The following SCHIP1 variants were observed in gnomAD, a reference collection of about 807,000 sequenced individuals.
SCHIP1 encodes the protein schwannomin-interacting protein 1.
A neutral mutation model predicts 29.7 loss-of-function variants in SCHIP1; 8 were observed. The ratio of observed to expected loss-of-function variants is 0.27; its 90% CI spans 0.16 to 0.49. The LOEUF (loss-of-function observed/expected upper bound fraction) is 0.49, where lower values mean the gene tolerates loss of function less well. Among genes scored for constraint, SCHIP1 ranks in the 20% least tolerant of loss-of-function variants. The probability of loss-of-function intolerance (pLI) is 0.99; values close to 1 mark genes in which losing one functional copy is unlikely to be tolerated. For missense variants in SCHIP1, 193 were observed against 294.6 expected (o/e 0.66, Z 2.52); for synonymous variants, 76 against 94.9 (o/e 0.80, Z 1.16).
the SCHIP1 span, among the ~76,000 whole-genome samples, chr3:159,804,578 A>G: frequency 6.6e-6 from 1 of 152,164 alleles, no homozygotes; most frequent in Non-Finnish European, 1.5e-5. Flanking sequence ...GGGTAGGGTG[A>G]GCTGGCATAA....
the SCHIP1 span, among the ~76,000 whole-genome samples, chr3:159,831,504 A>G: frequency 6.6e-6 from 1 of 152,242 alleles, no homozygotes; most frequent in Non-Finnish European, 1.5e-5. Context: ...AGTTTAATTT[A>G]TAAATTAGGT....
At chr3:159,536,485 T>G in the SCHIP1 span, among the ~76,000 whole-genome samples, 1 of 152,282 alleles carries the variant, frequency 6.6e-6, no homozygotes, top group East Asian at 1.9e-4. Flanking sequence ...TCTTACCAAC[T>G]TCTAAATCAA....
chr3:159,713,271 AG>A, the SCHIP1 span, among the ~76,000 whole-genome samples: 7 of 149,876 alleles, frequency 4.7e-5, no homozygotes, highest in African/African-American at 1.7e-4. Flanking sequence ...AAAGAAAGAA[AG>A]AAAGAAAGAA....
At chr3:159,888,463 T>A in intron 4 of SCHIP1, 1 of 211,964 alleles carries the variant, frequency 4.7e-6, no homozygotes, top group Non-Finnish European at 9.5e-6. Context: ...AGCACAGTGC[T>A]TGTAGCATGG....
At chr3:159,663,855 T>G in the SCHIP1 span, among the ~76,000 whole-genome samples, 1 of 152,158 alleles carries the variant, frequency 6.6e-6, no homozygotes. Context: ...AGTTCCTCGC[T>G]CACAAAAAGC....
chr3:159,675,612 G>A, the SCHIP1 span, among the ~76,000 whole-genome samples: 8 of 152,208 alleles, frequency 5.3e-5, no homozygotes, highest in Non-Finnish European at 2.9e-5. Context: ...AGAGAATTAT[G>A]TGTTTAAGAA....
At chr3:159,663,351 T>C in the SCHIP1 span, among the ~76,000 whole-genome samples, 2 of 152,162 alleles carry the variant, frequency 1.3e-5, no homozygotes, top group Non-Finnish European at 2.9e-5. Context: ...CGGGTGAAGT[T>C]CTGAGGTGAG....
the SCHIP1 span, among the ~76,000 whole-genome samples, chr3:159,343,690 A>G: frequency 6.6e-6 from 1 of 152,338 alleles, no homozygotes; most frequent in Admixed American, 6.5e-5. Flanking sequence ...TGTCATCTGG[A>G]AGAGAAAGAA....
chr3:159,548,651 AC>A, the SCHIP1 span, among the ~76,000 whole-genome samples: 207 of 151,886 alleles, frequency 1.4e-3, no homozygotes, highest in Non-Finnish European at 2.1e-3. Flanking sequence ...TCTTAAGTTT[AC>A]TTACGCTTTC....
At chr3:159,303,389 G>A in the SCHIP1 span, among the ~76,000 whole-genome samples, 892 of 151,870 alleles carry the variant, frequency 5.9e-3, 12 homozygotes, top group African/African-American at 0.02. Flanking sequence ...TTAGGGAAAA[G>A]GTTGGAGCCC....
At chr3:159,363,852 C>A in the SCHIP1 span, among the ~76,000 whole-genome samples, 1 of 152,076 alleles carries the variant, frequency 6.6e-6, no homozygotes, top group Admixed American at 6.6e-5. Context: ...ATAATGATAA[C>A]CAGTTCTATT....
chr3:159,517,079 G>A, the SCHIP1 span, among the ~76,000 whole-genome samples: 1 of 152,130 alleles, frequency 6.6e-6, no homozygotes, highest in African/African-American at 2.4e-5. Context: ...CAGCCAGCAG[G>A]TATTCTGAAG....
At chr3:159,313,130 A>G in the SCHIP1 span, among the ~76,000 whole-genome samples, 59 of 152,214 alleles carry the variant, frequency 3.9e-4, no homozygotes, top group African/African-American at 1.3e-3. Flanking sequence ...CTTATTATTT[A>G]AAGCATATAA....
the SCHIP1 span, among the ~76,000 whole-genome samples, chr3:159,293,938 G>A: frequency 3.5e-4 from 53 of 152,158 alleles, no homozygotes; most frequent in East Asian, 3.3e-3. Flanking sequence ...TGTTAGATTC[G>A]TGCTAGAAAT....
chr3:159,758,562 A>T, the SCHIP1 span, among the ~76,000 whole-genome samples: 1 of 152,216 alleles, frequency 6.6e-6, no homozygotes, highest in African/African-American at 2.4e-5. Flanking sequence ...TGTCATTGCC[A>T]TCTAATCTGA....
At chr3:159,415,505 A>G in the SCHIP1 span, among the ~76,000 whole-genome samples, 4 of 152,046 alleles carry the variant, frequency 2.6e-5, no homozygotes, top group Admixed American at 2.6e-4. Context: ...TGTGTTTATG[A>G]GTTCTCGTCA....
the SCHIP1 span, among the ~76,000 whole-genome samples, chr3:159,446,149 A>T: frequency 6.6e-6 from 1 of 152,080 alleles, no homozygotes; most frequent in Non-Finnish European, 1.5e-5. Flanking sequence ...TACCAGGTAT[A>T]TGGGGTGCTA....
the SCHIP1 span, among the ~76,000 whole-genome samples, chr3:159,813,505 A>T: frequency 1.3e-5 from 2 of 152,148 alleles, no homozygotes; most frequent in East Asian, 4.0e-4. Context: ...AGCCTGGGCA[A>T]CCTGGGGAGA....
At chr3:159,344,466 T>C in the SCHIP1 span, among the ~76,000 whole-genome samples, 1 of 152,148 alleles carries the variant, frequency 6.6e-6, no homozygotes, top group African/African-American at 2.4e-5. Context: ...ATGAGTCATA[T>C]TGGGGGTATT....
Sources: allele counts gnomAD v4.1 joint callset (sites outside exome capture counted in the v4.1 genomes callset), GRCh38; gene constraint gnomAD v4.1.1; transcripts MANE v1.5; gene names NCBI Gene and HGNC (gene_info 2026-07-23, HGNC 2026-07-21).